The following LYRM4 variants were observed in gnomAD, a reference collection of about 807,000 sequenced individuals.
LYRM4 encodes the protein LYR motif-containing protein 4.
Under a neutral mutation model 11.7 loss-of-function variants are expected in LYRM4, and 9 were observed. That is an observed-to-expected ratio of 0.77 (90% CI 0.46 to 1.34). The LOEUF (loss-of-function observed/expected upper bound fraction) is 1.34. Among genes scored for constraint, LYRM4 ranks in the 40% most tolerant of loss-of-function variants. The pLI, the probability that LYRM4 is intolerant of heterozygous loss-of-function variation, is 0.00. For synonymous variants in LYRM4, 42 were observed against 40.4 expected (o/e 1.04, Z -0.15); for missense variants, 133 against 112.5 (o/e 1.18, Z -0.82).
chr6:5,144,354 G>C, intron 2 of LYRM4: 1 of 1,436,118 alleles, frequency 7.0e-7, no homozygotes, highest in Admixed American at 2.0e-5. Flanking sequence ...TATGTCAGGT[G>C]AGGCCGGGTG....
chr6:5,060,450 G>T, the LYRM4 span, among the ~76,000 whole-genome samples: 1 of 150,966 alleles, frequency 6.6e-6, no homozygotes, highest in Non-Finnish European at 1.5e-5. Context: ...CCCAGTGAAG[G>T]TTTTTTTTAG....
chr6:5,056,935 G>A, the LYRM4 span, among the ~76,000 whole-genome samples: 1 of 152,224 alleles, frequency 6.6e-6, no homozygotes, highest in Admixed American at 6.5e-5. Flanking sequence ...TCAAAGCAAC[G>A]TCATACATTG....
chr6:5,177,322 G>A lies in LYRM4; in HGVS notation c.207+39296C>T, dbSNP rs138008325. On this transcript the variant is annotated intron_variant, in intron 2 of 2. Transcript: ENST00000330636. The stretch of plus-strand genomic sequence containing the variant: ...AAGTTTTCCTAGTAATGCAGTAACA[G>A]TTAGGGATAAGCATGTCCTTGGAGG... 1.5e-3 allele frequency among the ~76,000 whole-genome samples: 233 copies of A among 152,338 alleles called. 1 individual carries two copies. The highest frequency in any genetic ancestry group is 6.8e-3 in the Middle Eastern group (2 of 294).
At chr6:5,234,193 T>G (rs1051575545) in intron 1 of LYRM4, among the ~76,000 whole-genome samples, 5 of 152,260 alleles carry the variant, frequency 3.3e-5, no homozygotes, top group Non-Finnish European at 7.3e-5. Context: ...GCTTTACATT[T>G]GAAGCATTAG....
the LYRM4 span, among the ~76,000 whole-genome samples, chr6:5,045,023 A>G: frequency 1.7e-4 from 26 of 152,302 alleles, no homozygotes; most frequent in Admixed American, 4.6e-4. Flanking sequence ...TCTCTCCTTC[A>G]GTGATCATCA....
At chr6:5,057,998 T>C in the LYRM4 span, among the ~76,000 whole-genome samples, 6 of 152,134 alleles carry the variant, frequency 3.9e-5, no homozygotes, top group Non-Finnish European at 8.8e-5. Context: ...ACAGTCCTCC[T>C]GCCTCGGCCT....
At chr6:5,135,688 A>T (rs1046474998) in intron 2 of LYRM4, among the ~76,000 whole-genome samples, 1 of 152,164 alleles carries the variant, frequency 6.6e-6, no homozygotes, top group Non-Finnish European at 1.5e-5. Context: ...AAATATACTC[A>T]AAAAAGCTTT....
At chr6:5,248,601 C>A (rs1764297241) in intron 1 of LYRM4, among the ~76,000 whole-genome samples, 1 of 152,266 alleles carries the variant, frequency 6.6e-6, no homozygotes, top group Non-Finnish European at 1.5e-5. Flanking sequence ...GTTTGTTTCT[C>A]ATCTGCTCCT....
At chr6:5,195,605 A>G (rs1198456001) in intron 2 of LYRM4, among the ~76,000 whole-genome samples, 1 of 152,168 alleles carries the variant, frequency 6.6e-6, no homozygotes, top group Non-Finnish European at 1.5e-5. Context: ...CTGCACTCCA[A>G]CCTGGGTGAC....
chr6:5,245,140 AT>A (rs1764128512), intron 1 of LYRM4, among the ~76,000 whole-genome samples: 1 of 97,926 alleles, frequency 1.0e-5, no homozygotes, highest in African/African-American at 3.7e-5. Flanking sequence ...ATATATATAT[AT>A]ATATATATAT....
chr6:5,035,231 C>T, the LYRM4 span, among the ~76,000 whole-genome samples: 1 of 152,040 alleles, frequency 6.6e-6, no homozygotes, highest in Admixed American at 6.5e-5. Context: ...GGCTGTGCTT[C>T]CCACTACCCT....
chr6:5,120,526 G>A (rs1459399600), intron 2 of LYRM4, among the ~76,000 whole-genome samples: 3 of 152,276 alleles, frequency 2.0e-5, no homozygotes, highest in South Asian at 4.1e-4. Flanking sequence ...GAGAGCGAAG[G>A]AACAAAGTCT....
chr6:5,047,953 A>G, the LYRM4 span, among the ~76,000 whole-genome samples: 1 of 152,330 alleles, frequency 6.6e-6, no homozygotes, highest in Middle Eastern at 3.4e-3. Flanking sequence ...TGAGGTCACC[A>G]TTAAAGTTGG....
chr6:5,047,271 T>C, the LYRM4 span, among the ~76,000 whole-genome samples: 1 of 152,178 alleles, frequency 6.6e-6, no homozygotes, highest in African/African-American at 2.4e-5. Flanking sequence ...ATTTCCACTA[T>C]CAGTGCATTT....
chr6:5,260,224 TTGTCGCAG>T (rs1439157374), intron 1 of LYRM4, among the ~76,000 whole-genome samples: 2 of 152,180 alleles, frequency 1.3e-5, no homozygotes, highest in Non-Finnish European at 1.5e-5. Context: ...GCCTTCAGCT[TTGTCGCAG>T]TGTACTACTC....
the LYRM4 span, among the ~76,000 whole-genome samples, chr6:5,037,560 G>T: frequency 1.2e-5 from 1 of 82,922 alleles, no homozygotes; most frequent in South Asian, 4.7e-4. Flanking sequence ...CGGGCAGAGG[G>T]GCTCCTCACT....
At chr6:5,138,728 T>A (rs1421582882) in intron 2 of LYRM4, 1 of 1,532,974 alleles carries the variant, frequency 6.5e-7, no homozygotes, top group Non-Finnish European at 8.7e-7. Context: ...ACAATGACTA[T>A]GGACTTTATG....
chr6:5,134,012 G>A lies in LYRM4; in HGVS notation c.208-24521C>T, dbSNP rs139468167. Among the ~76,000 whole-genome samples, 1,048 of 152,350 alleles carry A rather than the reference G, an allele frequency of 6.9e-3. 12 individuals carry two copies. The highest frequency in any genetic ancestry group is 0.022 in the African/African-American group (933 of 41,572). On this transcript the variant is annotated intron_variant, in intron 2 of 2. Coordinates refer to ENST00000330636, the MANE Select transcript of LYRM4 (RefSeq NM_020408.6). ...ATTGTTGACCCTTTCCTCAGCTGAA[G>A]GATATTTGGGTTGTTTCCATCTTTT...
the LYRM4 span, among the ~76,000 whole-genome samples, chr6:5,038,366 A>G: frequency 2.0e-5 from 1 of 49,542 alleles, no homozygotes; most frequent in African/African-American, 5.8e-5. Flanking sequence ...CCTAGATGGG[A>G]TGGCGGCCGG....
Sources: gnomAD v4.1 joint callset for allele counts (sites outside exome capture counted in the v4.1 genomes callset) on GRCh38, gnomAD v4.1.1 for gene constraint, MANE v1.5 for transcripts, NCBI Gene and HGNC (gene_info 2026-07-23, HGNC 2026-07-21) for gene names.